The following SLC12A5 variants were observed in gnomAD, a reference collection of about 807,000 sequenced individuals.
The protein encoded by SLC12A5 is solute carrier family 12 member 5, also known as K-Cl cotransporter 2.
Under a neutral mutation model 124.0 loss-of-function variants are expected in SLC12A5, and 18 were observed. The observed-to-expected ratio is 0.15, with a 90% CI of 0.10 to 0.22. The LOEUF is 0.22. Among genes scored for constraint, SLC12A5 ranks in the 10% least tolerant of loss-of-function variants. SLC12A5 has a pLI of 1.00. For missense variants in SLC12A5, 867 were observed against 1,478.7 expected (o/e 0.59, Z 6.78); for synonymous variants, 589 against 568.0 (o/e 1.04, Z -0.53).
At chr20:46,050,739 A>G (rs375027846) in intron 17 of SLC12A5, among the ~76,000 whole-genome samples, 66 of 152,336 alleles carry the variant, frequency 4.3e-4, no homozygotes, top group African/African-American at 1.4e-3. Flanking sequence ...TTCAAGACCA[A>G]GTCCCAGCCC....
Position 46,046,110 on chromosome 20 carries a change from C to T in SLC12A5, c.1688+114C>T. On this transcript the variant is annotated intron_variant, in intron 13 of 25. Transcript: ENST00000243964. ...ACACTTTAGCAACCCCAGGAAGTTC[C>T]CCATTGGTCATAGAAGCCCATCGTT... is the stretch of plus-strand genomic sequence containing the variant. 11 of 966,008 alleles carry T rather than the reference C, an allele frequency of 1.1e-5. 1 individual carries two copies. The South Asian group carries it at 1.6e-4, about 14-fold the overall frequency. The allele number at this position is 966,008 out of a possible 1,614,324, so 59.8% of individuals were successfully genotyped here.
chr20:46,043,388 T>C (rs2084565381), intron 9 of SLC12A5, 65 bp downstream of exon 9: 3 of 1,560,460 alleles, frequency 1.9e-6, no homozygotes, highest in South Asian at 1.2e-5. Context: ...GAGTCGATGA[T>C]GATGTTGGGA....
chr20:46,057,395 C>T lies in SLC12A5; in HGVS notation c.3259+92C>T. 1.9e-6 allele frequency: 3 copies of T among 1,604,356 alleles called. No individual in the cohort carries two copies. Among genetic ancestry groups the T allele is most frequent in the South Asian group, 1.1e-5 (1 of 90,874 alleles). On this transcript the variant is annotated intron_variant, in intron 25 of 25. Coordinates refer to ENST00000243964, the MANE Select transcript of SLC12A5 (RefSeq NM_020708.5). This position sits in a 1 kb window ranked among gnomAD's most constrained non-coding sequence, Gnocchi z 7.1. ...GGATGGAAGAGCTGAGCTGTTCCTG[C>T]CTCCGGATCAGCACCTCGGACAGGG...
In SLC12A5 at chr20:46,057,549, G is replaced by T; in HGVS notation, c.3295G>T (p.Asp1099Tyr). The change falls in exon 26 of 26, where the codon GAC becomes TAC. Residue 1099 changes from aspartate to tyrosine, a missense_variant. Transcript: ENST00000243964. The surrounding 1 kb of genome is among the most constrained non-coding windows in gnomAD (Gnocchi z 7.1). ...EFLEVLTEHLDRVMLVRGGGR... is the reference protein window; with the variant it reads ...EFLEVLTEHLYRVMLVRGGGR... ...TCTCGAGGTCCTCACAGAGCACCTG[G>T]ACCGGGTGATGCTGGTCCGCGGCGG... 2 of 1,614,136 alleles carry T rather than the reference G, an allele frequency of 1.2e-6. 1 individual carries two copies. The highest frequency in any genetic ancestry group is 2.2e-5 in the South Asian group (2 of 91,082).
In SLC12A5 at chr20:46,053,685, T is replaced by G; in HGVS notation, c.2655T>G (p.Thr885=). Residue 885 remains threonine, a synonymous_variant, in exon 20 of 26, where the codon ACT becomes ACG. Coordinates refer to ENST00000243964, the MANE Select transcript of SLC12A5 (RefSeq NM_020708.5). The surrounding 1 kb of genome is among the most constrained non-coding windows in gnomAD (Gnocchi z 4.7). ...CATTTCTGTATCATTTACGCATCAC[T>G]GCGGAGGTCGAGGTGGTGGAGATGG... ...LTTFLYHLRI[T]AEVEVVEMHE... is the part of the protein sequence containing the mutation. 1 of 1,604,156 alleles carries G rather than the reference T, an allele frequency of 6.2e-7. No homozygotes were observed. The highest frequency in any genetic ancestry group is 1.1e-5 in the South Asian group (1 of 90,176).
Position 46,059,432 on chromosome 20 carries a change from T to G in SLC12A5, c.*1827T>G, listed in dbSNP as rs1397833501. The G allele has an allele frequency of 2.5e-6, 1 of 397,236 alleles. No individual in the cohort carries two copies. The highest frequency in any genetic ancestry group is 4.4e-6 in the Non-Finnish European group (1 of 225,596). 24.6% of individuals were successfully genotyped at this position (397,236 alleles called of 1,614,324 possible). A position where few individuals can be genotyped will look rare whatever the true frequency, so the allele number is the denominator to read the frequency against. Reference sequence around the variant, plus strand: ...AGGTACTCAATCAGGAAGCTGGAGGTGTTAGACACCAGCCCCCTGCATCCT... The same window carrying G: ...AGGTACTCAATCAGGAAGCTGGAGGGGTTAGACACCAGCCCCCTGCATCCT... On this transcript the variant is annotated 3_prime_UTR_variant, in exon 26 of 26. Coordinates refer to ENST00000243964, the MANE Select transcript of SLC12A5 (RefSeq NM_020708.5).
rs1397496364 is a variant in SLC12A5, at chr20:46,048,050, C to A, written c.1977C>A (p.Arg659=). 28 of 1,612,616 alleles carry A rather than the reference C, an allele frequency of 1.7e-5. No homozygotes were observed. The highest frequency in any genetic ancestry group is 2.0e-5 in the Non-Finnish European group (24 of 1,179,414). ...GTGCGGCTCGCTATGCCCTCTTACG[C>A]CTGGAGGAAGGGCCCCCACACACCA... The part of the protein sequence containing the change: ...SLSAARYALL[R]LEEGPPHTKN... The change falls in exon 16 of 26, where the codon CGC becomes CGA. Residue 659 remains arginine, a synonymous_variant. Transcript: ENST00000243964.
chr20:46,027,471 C>G (rs371987445), upstream of SLC12A5, among the ~76,000 whole-genome samples: 43 of 152,338 alleles, frequency 2.8e-4, no homozygotes, highest in African/African-American at 8.2e-4. Context: ...AAGTCCTGTC[C>G]TATACCCCGG....
At chr20:46,026,414 C>CT (rs1230575323), upstream of SLC12A5, among the ~76,000 whole-genome samples, 1 of 152,164 alleles carries the variant, frequency 6.6e-6, no homozygotes, top group East Asian at 1.9e-4. Flanking sequence ...CTGTGGGTCA[C>CT]TTTTTACTGG....
intron 1 of SLC12A5, chr20:46,021,889 A>T (rs1327798486): frequency 6.6e-7 from 1 of 1,523,298 alleles, no homozygotes; most frequent in Non-Finnish European, 8.8e-7. Context: ...CGTCAAAGGT[A>T]GAGGCCGCAG....
rs561553221 is a variant in SLC12A5, at chr20:46,041,904, C to T, written c.1066+364C>T. The stretch of plus-strand genomic sequence containing the variant: ...ATACATTATGCCATATGTAGATGTG[C>T]ATTCAATGCACAGAGAATGCCCGGG... On this transcript the variant is annotated intron_variant, in intron 8 of 25. Transcript: ENST00000243964. Among the ~76,000 whole-genome samples, 7 of 151,452 alleles carry T rather than the reference C, an allele frequency of 4.6e-5. 1 individual carries two copies. The South Asian group carries it at 8.3e-4, about 18-fold the overall frequency.
chr20:46,034,851 T>G, intron 1 of SLC12A5, 97 bp from the exon 2 acceptor site: 53 of 1,109,260 alleles, frequency 4.8e-5, no homozygotes, highest in Non-Finnish European at 6.9e-5. Context: ...ATGCGCGAAC[T>G]GAGATTCAGA....
chr20:46,052,531 G>A (rs2084655396), intron 18 of SLC12A5, among the ~76,000 whole-genome samples: 1 of 152,222 alleles, frequency 6.6e-6, no homozygotes, highest in African/African-American at 2.4e-5. Context: ...CAGAGTAAAT[G>A]AAAAAGAAGT....
At chr20:46,041,246 T>A in intron 7 of SLC12A5, 83 bp from the exon 8 acceptor site, 1 of 1,240,528 alleles carries the variant, frequency 8.1e-7, no homozygotes, top group Non-Finnish European at 1.2e-6. Flanking sequence ...TCCGTGTGTT[T>A]AAAAGGTCTC....
Position 46,056,241 on chromosome 20 carries a change from C to T in SLC12A5, c.2879C>T (p.Ala960Val). 6.2e-7 allele frequency: 1 copy of T among 1,614,162 alleles called. No individual in the cohort carries two copies. The highest frequency in any genetic ancestry group is 1.1e-5 in the South Asian group (1 of 91,084). The change falls in exon 22 of 26, where the codon GCT (alanine) becomes GTT (valine). Residue 960 changes from alanine (A) to valine (V), a missense_variant. Physicochemically the swap from Ala to Val is moderately conservative, Grantham distance 64. Transcript: ENST00000243964. This position sits in a 1 kb window ranked among gnomAD's most constrained non-coding sequence, Gnocchi z 4.3. ...RLRLNVPEET[A>V]GDSEEKPEEE... is the part of the protein sequence containing the mutation. ...CGCCTGAACGTCCCAGAAGAGACGG[C>T]TGGTGACAGTGAAGAGAAGCCAGAG...
At chr20:46,031,200 CAT>C (rs1275006984) in intron 1 of SLC12A5, among the ~76,000 whole-genome samples, 1 of 152,190 alleles carries the variant, frequency 6.6e-6, no homozygotes, top group East Asian at 1.9e-4. Context: ...AGAAAAGAGG[CAT>C]CAGTGTGTGT....
At chr20:46,050,386 A>G (rs1000296700) in intron 17 of SLC12A5, among the ~76,000 whole-genome samples, 2 of 152,234 alleles carry the variant, frequency 1.3e-5, no homozygotes, top group Admixed American at 6.5e-5. Flanking sequence ...TACAGAACCA[A>G]TGTGGGCTGT....
intron 11 of SLC12A5, among the ~76,000 whole-genome samples, chr20:46,044,314 G>A (rs929425439): frequency 2.0e-5 from 3 of 152,112 alleles, no homozygotes; most frequent in Non-Finnish European, 4.4e-5. Flanking sequence ...TACTGAAGGA[G>A]CTCTTCTTGG....
intron 8 of SLC12A5, 29 bp downstream of exon 8, chr20:46,041,569 A>G: frequency 2.5e-6 from 4 of 1,610,864 alleles, no homozygotes; most frequent in Non-Finnish European, 3.4e-6. Flanking sequence ...GCTGGCATCC[A>G]GGGAACGCTG....
Sources: gnomAD v4.1 joint callset for allele counts (sites outside exome capture counted in the v4.1 genomes callset) on GRCh38, gnomAD v4.1.1 for gene constraint, Gnocchi (gnomAD v3.1) non-coding constraint, MANE v1.5 for transcripts, NCBI Gene and HGNC (gene_info 2026-07-23, HGNC 2026-07-21) for gene names.